XKR6: variants seen among roughly 807,000 people sequenced by gnomAD.
The protein encoded by XKR6 is XK related 6.
Under a neutral mutation model 56.7 loss-of-function variants are expected in XKR6, and 22 were observed. The observed-to-expected ratio is 0.39, with a 90% CI of 0.28 to 0.55. XKR6 has a LOEUF of 0.55. XKR6 is among the 20% of genes least tolerant of loss of function. The probability of loss-of-function intolerance (pLI) is 0.66; values close to 1 mark genes in which losing one functional copy is unlikely to be tolerated. For synonymous variants in XKR6, 524 were observed against 387.8 expected (o/e 1.35, Z -4.13); for missense variants, 852 against 889.0 (o/e 0.96, Z 0.53).
At chr8:11,165,575 A>G (rs1802033670) in intron 1 of XKR6, among the ~76,000 whole-genome samples, 1 of 152,198 alleles carries the variant, frequency 6.6e-6, no homozygotes, top group African/African-American at 2.4e-5. Flanking sequence ...AGCAGAAACC[A>G]TAATTATAAT....
chr8:11,182,839 T>C (rs546497264), intron 1 of XKR6, among the ~76,000 whole-genome samples: 78 of 152,230 alleles, frequency 5.1e-4, no homozygotes, highest in Non-Finnish European at 2.1e-4. Context: ...CTTGTAAAAC[T>C]GGAACTCTGT....
chr8:10,959,248 TG>T (rs1801989359), intron 1 of XKR6, among the ~76,000 whole-genome samples: 1 of 151,898 alleles, frequency 6.6e-6, no homozygotes, highest in Admixed American at 6.5e-5. Context: ...ACCACAGGAG[TG>T]GGAGAGGAAC....
chr8:11,126,431 G>A (rs1024740607), intron 1 of XKR6, among the ~76,000 whole-genome samples: 15 of 151,806 alleles, frequency 9.9e-5, no homozygotes, highest in African/African-American at 3.6e-4. Context: ...ATTTTATCTT[G>A]TTTTTGGCCT....
At position 11,002,079 on chromosome 8, in the gene XKR6, A is replaced by AC. The variant is rs1158843167; in HGVS notation, c.765-77250_765-77249insG. ...ACCATGTGAGTTAAAAAAAAAAAAA[A>AC]AACACACAAAAAACCTCCTTCCAGG... On this transcript the variant is annotated intron_variant, in intron 1 of 2. Transcript: ENST00000416569. 1.5e-3 allele frequency among the ~76,000 whole-genome samples: 203 copies of AC among 139,812 alleles called. 2 individuals carry two copies. The highest frequency in any genetic ancestry group is 5.6e-3 in the African/African-American group (195 of 34,716). 91.7% of individuals were successfully genotyped at this position (139,812 alleles called of 152,430 possible).
intron 1 of XKR6, among the ~76,000 whole-genome samples, chr8:11,145,740 G>C (rs1220961638): frequency 6.6e-6 from 1 of 152,130 alleles, no homozygotes; most frequent in Non-Finnish European, 1.5e-5. Context: ...ATATTCATGG[G>C]TCAGAAGGTT....
At chr8:11,162,313 C>G (rs1032844773) in intron 1 of XKR6, among the ~76,000 whole-genome samples, 1 of 152,134 alleles carries the variant, frequency 6.6e-6, no homozygotes, top group African/African-American at 2.4e-5. Flanking sequence ...AAGCCGCCTT[C>G]TCCCCCTTGG....
chr8:11,196,359 C>T (rs948710308), intron 1 of XKR6, among the ~76,000 whole-genome samples: 2 of 152,130 alleles, frequency 1.3e-5, no homozygotes, highest in African/African-American at 4.8e-5. Context: ...TTATTGAACA[C>T]TGTTTTGAAT....
chr8:11,144,973 AGAGAAGGGAGGGATGGAGAAAGG>A (rs1345020197), intron 1 of XKR6, among the ~76,000 whole-genome samples: 1 of 136,886 alleles, frequency 7.3e-6, no homozygotes, highest in East Asian at 2.2e-4. Flanking sequence ...GAAGGAAGGG[AGAGAAGGGAGGGATGGAGAAAGG>A]GAGAAGGGAG....
At chr8:10,950,512 C>T (rs940627891) in intron 1 of XKR6, among the ~76,000 whole-genome samples, 5 of 152,244 alleles carry the variant, frequency 3.3e-5, no homozygotes, top group African/African-American at 4.8e-5. Context: ...TCAGTCACCT[C>T]GTTCATAAAG....
At chr8:11,113,068 G>A (rs571138013) in intron 1 of XKR6, among the ~76,000 whole-genome samples, 1 of 152,088 alleles carries the variant, frequency 6.6e-6, no homozygotes, top group Non-Finnish European at 1.5e-5. Flanking sequence ...GCACCCTCCA[G>A]AATGAGATGA....
intron 1 of XKR6, among the ~76,000 whole-genome samples, chr8:11,189,839 T>G (rs1803457335): frequency 6.6e-6 from 1 of 152,124 alleles, no homozygotes; most frequent in Non-Finnish European, 1.5e-5. Context: ...CTCAAGTGAT[T>G]CTGATGCACA....
At chr8:11,083,826 T>C (rs1324723542) in intron 1 of XKR6, among the ~76,000 whole-genome samples, 1 of 152,098 alleles carries the variant, frequency 6.6e-6, no homozygotes, top group Non-Finnish European at 1.5e-5. Context: ...AAAGAGAACA[T>C]GGAACTGTAT....
intron 1 of XKR6, among the ~76,000 whole-genome samples, chr8:10,984,732 C>CTCTCTATA: frequency 0.011 from 519 of 47,476 alleles, 13 homozygotes; most frequent in Non-Finnish European, 0.017. Flanking sequence ...CTCTCTCTCT[C>CTCTCTATA]TATATATATA....
intron 1 of XKR6, among the ~76,000 whole-genome samples, chr8:11,184,367 T>TTATATA (rs1238687932): frequency 1.0e-4 from 15 of 147,184 alleles, no homozygotes; most frequent in African/African-American, 3.9e-4. Context: ...AATACATATT[T>TTATATA]TATATATATA....
chr8:10,965,746 C>T (rs919325652), intron 1 of XKR6, among the ~76,000 whole-genome samples: 2 of 152,238 alleles, frequency 1.3e-5, no homozygotes, highest in African/African-American at 2.4e-5. Flanking sequence ...GGCAGTTTAA[C>T]TCTTACTCCG....
chr8:10,985,130 A>G (rs1469896855), intron 1 of XKR6, among the ~76,000 whole-genome samples: 1 of 151,846 alleles, frequency 6.6e-6, no homozygotes, highest in African/African-American at 2.4e-5. Context: ...TTTTTTGTGG[A>G]GAGGGGGTGA....
At chr8:10,933,020 G>GA (rs1159436014) in intron 1 of XKR6, among the ~76,000 whole-genome samples, 2 of 151,930 alleles carry the variant, frequency 1.3e-5, no homozygotes, top group African/African-American at 4.8e-5. Context: ...CACAACGGTT[G>GA]AACTAGTTTA....
At chr8:10,926,567 C>A (rs1295150148) in intron 1 of XKR6, among the ~76,000 whole-genome samples, 2 of 152,226 alleles carry the variant, frequency 1.3e-5, no homozygotes, top group African/African-American at 4.8e-5. Context: ...AATGATGGCC[C>A]CATCAGGGAG....
chr8:11,026,135 G>T (rs1798855272), intron 1 of XKR6, among the ~76,000 whole-genome samples: 1 of 151,908 alleles, frequency 6.6e-6, no homozygotes, highest in Admixed American at 6.6e-5. Context: ...ATGCCTAGAT[G>T]GTGTCGCCTA....
Sources: allele counts gnomAD v4.1 joint callset (sites outside exome capture counted in the v4.1 genomes callset), GRCh38; gene constraint gnomAD v4.1.1; transcripts MANE v1.5; gene names NCBI Gene and HGNC (gene_info 2026-07-23, HGNC 2026-07-21).